The following SMC5 variants were observed in gnomAD, a reference collection of about 807,000 sequenced individuals.
SMC5 encodes the protein structural maintenance of chromosomes protein 5.
In SMC5, 88 loss-of-function variants were observed where a neutral mutation model predicts 148.3. The observed-to-expected ratio is 0.59, with a 90% CI of 0.50 to 0.71. SMC5 has a LOEUF of 0.71. SMC5 is among the 30% of genes least tolerant of loss of function. The pLI is 0.00. For missense variants in SMC5, 1,142 were observed against 1,298.9 expected (o/e 0.88, Z 1.86); for synonymous variants, 421 against 432.8 (o/e 0.97, Z 0.34).
At chr9:70,349,765 G>C (rs2036758860) in intron 22 of SMC5, among the ~76,000 whole-genome samples, 1 of 152,166 alleles carries the variant, frequency 6.6e-6, no homozygotes, top group African/African-American at 2.4e-5. Flanking sequence ...AACTAGAATA[G>C]ATAGTGCTTT....
intron 11 of SMC5, among the ~76,000 whole-genome samples, chr9:70,308,033 G>T (rs1256466972): frequency 6.6e-6 from 1 of 152,030 alleles, no homozygotes; most frequent in Non-Finnish European, 1.5e-5. Context: ...TGGATACTAG[G>T]TGTGTTCATT....
At chr9:70,283,371 G>A (rs565729018) in intron 7 of SMC5, among the ~76,000 whole-genome samples, 1 of 152,284 alleles carries the variant, frequency 6.6e-6, no homozygotes, top group South Asian at 2.1e-4. Flanking sequence ...TGAGGCTGAG[G>A]CAGGAGGATC....
At chr9:70,278,727 A>G in intron 5 of SMC5, 102 bp downstream of exon 5, 1 of 1,216,000 alleles carries the variant, frequency 8.2e-7, no homozygotes, top group African/African-American at 1.6e-5. Context: ...GTGAATTCGT[A>G]TTTGTGATTT....
intron 8 of SMC5, among the ~76,000 whole-genome samples, chr9:70,295,733 A>G (rs2035184583): frequency 6.6e-6 from 1 of 152,148 alleles, no homozygotes; most frequent in African/African-American, 2.4e-5. Flanking sequence ...TTTTCAGGTC[A>G]ATATCAGACA....
chr9:70,349,284 C>T (rs1394113294), intron 22 of SMC5, among the ~76,000 whole-genome samples: 3 of 152,130 alleles, frequency 2.0e-5, no homozygotes, highest in South Asian at 2.1e-4. Flanking sequence ...CCAGGCTGGT[C>T]TCAAACTCCT....
chr9:70,305,873 G>A (rs144346277), intron 11 of SMC5, among the ~76,000 whole-genome samples: 91 of 152,218 alleles, frequency 6.0e-4, no homozygotes, highest in African/African-American at 1.7e-3. Context: ...TTTGTAGCTG[G>A]GCTGCCAGGA....
At chr9:70,295,020 T>C (rs897972497) in intron 8 of SMC5, among the ~76,000 whole-genome samples, 1 of 151,888 alleles carries the variant, frequency 6.6e-6, no homozygotes, top group Non-Finnish European at 1.5e-5. Context: ...TGGGGCTCAA[T>C]TAAAGGAGGA....
intron 15 of SMC5, among the ~76,000 whole-genome samples, chr9:70,322,944 T>G (rs2035985895): frequency 6.6e-6 from 1 of 152,212 alleles, no homozygotes; most frequent in Admixed American, 6.5e-5. Flanking sequence ...TTATTTCGCT[T>G]TACCCATTCC....
At chr9:70,322,578 G>A (rs990986864) in intron 15 of SMC5, among the ~76,000 whole-genome samples, 1 of 152,174 alleles carries the variant, frequency 6.6e-6, no homozygotes, top group Admixed American at 6.5e-5. Context: ...GCTCACGCCT[G>A]TAATCCCAGC....
At chr9:70,329,892 A>G (rs2036176858) in intron 17 of SMC5, among the ~76,000 whole-genome samples, 1 of 152,200 alleles carries the variant, frequency 6.6e-6, no homozygotes, top group African/African-American at 2.4e-5. Flanking sequence ...GCCTCAGGAA[A>G]CTTAAAATCA....
intron 17 of SMC5, among the ~76,000 whole-genome samples, chr9:70,336,446 C>G (rs1297062279): frequency 1.3e-5 from 2 of 152,148 alleles, no homozygotes; most frequent in African/African-American, 2.4e-5. Flanking sequence ...TCCTCTCCCC[C>G]ACTCCCCACC....
At chr9:70,330,115 CAG>C (rs1335688125) in intron 17 of SMC5, among the ~76,000 whole-genome samples, 1 of 152,150 alleles carries the variant, frequency 6.6e-6, no homozygotes, top group Non-Finnish European at 1.5e-5. Flanking sequence ...GGTTGGGACA[CAG>C]AGCCAAACCA....
At chr9:70,342,974 C>T (rs2036565057) in intron 17 of SMC5, among the ~76,000 whole-genome samples, 1 of 152,158 alleles carries the variant, frequency 6.6e-6, no homozygotes, top group Non-Finnish European at 1.5e-5. Flanking sequence ...GTCATAGCTT[C>T]TGTGACCACT....
At chr9:70,286,424 T>C (rs116465964) in intron 8 of SMC5, among the ~76,000 whole-genome samples, 153 bp downstream of exon 8, 33 of 152,356 alleles carry the variant, frequency 2.2e-4, no homozygotes, top group African/African-American at 6.7e-4. Flanking sequence ...TTTGGAAGTA[T>C]AGTAGTTGCT....
At chr9:70,341,768 G>C (rs1261516234) in intron 17 of SMC5, among the ~76,000 whole-genome samples, 1 of 152,094 alleles carries the variant, frequency 6.6e-6, no homozygotes, top group South Asian at 2.1e-4. Context: ...TGGAGAAATA[G>C]GAACACTTTT....
intron 3 of SMC5, among the ~76,000 whole-genome samples, chr9:70,272,886 C>T (rs1394847841): frequency 6.6e-6 from 1 of 152,160 alleles, no homozygotes; most frequent in African/African-American, 2.4e-5. Context: ...TCTGATACTG[C>T]TGATAGGTCA....
rs1339094693 is a variant in SMC5, at chr9:70,270,631, G to A, written c.380+2656G>A. 2.7e-5 allele frequency among the ~76,000 whole-genome samples: 4 copies of A among 149,952 alleles called. No individual in the cohort carries two copies. In the Admixed American group the frequency reaches 2.7e-4, roughly 10 times the overall value. ...AGTTCTGTGTCAGGAATTGAGGACA[G>A]AGACTAAATAATTTTTTTTTTTTTT... is the stretch of plus-strand genomic sequence containing the variant. On this transcript the variant is annotated intron_variant, in intron 3 of 24. Transcript: ENST00000361138.
intron 8 of SMC5, among the ~76,000 whole-genome samples, chr9:70,290,391 A>T (rs966987701): frequency 6.6e-6 from 1 of 152,324 alleles, no homozygotes; most frequent in Admixed American, 6.5e-5. Context: ...CTTGTTATGA[A>T]TAATAAAAGA....
intron 15 of SMC5, among the ~76,000 whole-genome samples, chr9:70,322,796 C>T (rs1203209462): frequency 6.6e-6 from 1 of 152,132 alleles, no homozygotes; most frequent in African/African-American, 2.4e-5. Context: ...GATTGTGCTG[C>T]TGCACTCCAG....
Sources: gnomAD v4.1 joint callset for allele counts (sites outside exome capture counted in the v4.1 genomes callset) on GRCh38, gnomAD v4.1.1 for gene constraint, MANE v1.5 for transcripts, NCBI Gene and HGNC (gene_info 2026-07-23, HGNC 2026-07-21) for gene names.